Variants in FANCM observed in about 807,000 individuals in gnomAD.
The protein encoded by FANCM is FA complementation group M, also known as Fanconi anemia group M protein.
Under a neutral mutation model 199.5 loss-of-function variants are expected in FANCM, and 140 were observed. The ratio of observed to expected loss-of-function variants is 0.70; its 90% CI spans 0.61 to 0.81. FANCM has a LOEUF of 0.81. Among genes scored for constraint, FANCM ranks in the 30% least tolerant of loss-of-function variants. The probability of loss-of-function intolerance (pLI) is 0.00; values close to 1 mark genes in which losing one functional copy is unlikely to be tolerated. For missense variants in FANCM, 2,410 were observed against 2,421.4 expected, an observed-to-expected ratio of 1.00 and a Z score of 0.10; for synonymous variants, 840 against 836.8, an observed-to-expected ratio of 1.00 and a Z score of -0.07.
intron 10 of FANCM, 140 bp downstream of exon 10, chr14:45,164,705 T>A: frequency 1.5e-6 from 1 of 687,682 alleles, no homozygotes; most frequent in Non-Finnish European, 2.5e-6. Flanking sequence ...TTGTATTGGA[T>A]TCTCTCTTGT....
Position 45,183,792 on chromosome 14 carries a change from G to C in FANCM, c.4405G>C (p.Asp1469His). The change falls in exon 17 of 23, where the codon GAT becomes CAT. Residue 1469 changes from aspartate to histidine, a missense_variant. Physicochemically the swap from Asp to His is moderately conservative, Grantham distance 81 (BLOSUM62 -1). Coordinates refer to ENST00000267430, the MANE Select transcript of FANCM (RefSeq NM_020937.4). The part of the protein sequence containing the change: ...PINRSELSSS[D>H]ESENFPKPCS... ...ATTATAGTCAGAATTATCATCTAGT[G>C]ATGAGAGTGAGAATTTTCCCAAACC... is the stretch of plus-strand genomic sequence containing the variant. 1 of 1,607,922 alleles carries C rather than the reference G, an allele frequency of 6.2e-7. No homozygotes were observed. Among genetic ancestry groups the C allele is most frequent in the South Asian group, 1.1e-5 (1 of 90,908 alleles).
At chr14:45,197,127 G>A (rs1425691174) in intron 21 of FANCM, among the ~76,000 whole-genome samples, 1 of 152,132 alleles carries the variant, frequency 6.6e-6, no homozygotes, top group Admixed American at 6.5e-5. Context: ...TTATTTAATT[G>A]TATGGCGAGC....
At chr14:45,180,609 T>G (rs1403083924) in intron 14 of FANCM, among the ~76,000 whole-genome samples, 3 of 151,982 alleles carry the variant, frequency 2.0e-5, no homozygotes, top group Non-Finnish European at 4.4e-5. Flanking sequence ...AGCTAATTAT[T>G]GTATTTTTTG....
At chr14:45,189,478 A>G in intron 20 of FANCM, 116 bp downstream of exon 20, 4 of 812,340 alleles carry the variant, frequency 4.9e-6, no homozygotes, top group African/African-American at 1.7e-5. Flanking sequence ...TAACAAAAAA[A>G]TTTTGCAGAA....
intron 12 of FANCM, among the ~76,000 whole-genome samples, chr14:45,171,172 C>G (rs375163370): frequency 6.7e-6 from 1 of 149,016 alleles, no homozygotes; most frequent in African/African-American, 2.5e-5. Flanking sequence ...AGGTCTCGCT[C>G]TGTTGTCCAG....
rs762570903 is a variant in FANCM at position 45,173,084 on chromosome 14, A to ACT, written c.2201_2202dup (p.Glu735LeufsTer26). The ACT allele has an allele frequency of 6.8e-6, 11 of 1,608,024 alleles. No individual in the cohort carries two copies. Among genetic ancestry groups the ACT allele is most frequent in the East Asian group, 2.2e-5 (1 of 44,798 alleles). ...AAGAATCAACCACTGGAATTCATCAACTCTCTCTCTCTGAATGGAGACTGT... is the reference window on the plus strand; with the variant it reads ...AAGAATCAACCACTGGAATTCATCAACTCTCTCTCTCTCTGAATGGAGACTGT... On this transcript the variant is annotated frameshift_variant, in exon 13 of 23. Transcript: ENST00000267430. LOFTEE classifies it high-confidence loss of function.
intron 9 of FANCM, among the ~76,000 whole-genome samples, chr14:45,159,911 G>C (rs961775697): frequency 1.3e-5 from 2 of 151,582 alleles, no homozygotes; most frequent in African/African-American, 2.4e-5. Flanking sequence ...CTTGAGTAGT[G>C]ACTGACAATT....
At chr14:45,143,233 A>G (rs1418648658) in intron 3 of FANCM, among the ~76,000 whole-genome samples, 4 of 151,294 alleles carry the variant, frequency 2.6e-5, no homozygotes, top group Non-Finnish European at 5.9e-5. Context: ...GCAGTGCACA[A>G]TAATACTCAC....
In FANCM at chr14:45,164,432, T is replaced by C. The variant is rs200240871; in HGVS notation, c.1655T>C (p.Ile552Thr). Reference sequence around the variant, plus strand: ...TGTGTGGGTGAAGAAGGTTTGGATATAGGAGAAGTTGATCTTATAATATGT... The same window carrying C: ...TGTGTGGGTGAAGAAGGTTTGGATACAGGAGAAGTTGATCTTATAATATGT... ...STCVGEEGLDIGEVDLIICFD... is the reference protein window; with the variant it reads ...STCVGEEGLDTGEVDLIICFD... The change falls in exon 10 of 23, where the codon ATA becomes ACA. Residue 552 changes from isoleucine to threonine, a missense_variant. Ile to Thr is a moderately conservative substitution (Grantham distance 89, BLOSUM62 -1). Coordinates refer to ENST00000267430, the MANE Select transcript of FANCM (RefSeq NM_020937.4). The C allele has an allele frequency of 1.2e-6, 2 of 1,613,590 alleles. No individual in the cohort carries two copies. The highest frequency in any genetic ancestry group is 4.5e-5 in the East Asian group (2 of 44,886).
At chr14:45,194,074 G>A (rs1229630933) in intron 20 of FANCM, among the ~76,000 whole-genome samples, 5 of 151,926 alleles carry the variant, frequency 3.3e-5, no homozygotes. Flanking sequence ...GGCCGAGGTG[G>A]GTGGATCACC....
chr14:45,138,968 C>A (rs1429377502), intron 2 of FANCM, among the ~76,000 whole-genome samples: 4 of 152,342 alleles, frequency 2.6e-5, no homozygotes, highest in South Asian at 4.1e-4. Context: ...CATATTGATA[C>A]ATGTGCCATA....
chr14:45,179,781 C>T (rs1462741537), intron 14 of FANCM, among the ~76,000 whole-genome samples: 3 of 151,950 alleles, frequency 2.0e-5, no homozygotes, highest in Non-Finnish European at 2.9e-5. Flanking sequence ...AGGCTGGTCT[C>T]GGACTCCTGA....
chr14:45,188,205 G>A (rs1318456513), intron 19 of FANCM, among the ~76,000 whole-genome samples: 2 of 152,148 alleles, frequency 1.3e-5, no homozygotes, highest in African/African-American at 4.8e-5. Flanking sequence ...CAGGCATGGT[G>A]GCACATGCCT....
rs1355680104 is a variant in FANCM, at chr14:45,136,646, A to T, written c.508+107A>T. On this transcript the variant is annotated intron_variant, in intron 1 of 22. Coordinates refer to ENST00000267430, the MANE Select transcript of FANCM (RefSeq NM_020937.4). Reference sequence around the variant, plus strand: ...CATCTTACGCCCTCCCTCTTAAAACATTCTCTACTTGCAGCAAGCCCAAAA... The same window carrying T: ...CATCTTACGCCCTCCCTCTTAAAACTTTCTCTACTTGCAGCAAGCCCAAAA... The T allele has an allele frequency of 2.7e-5, 30 of 1,105,972 alleles. No individual in the cohort carries two copies. In the East Asian group the frequency reaches 6.3e-4, roughly 23 times the overall value. The allele number at this position is 1,105,972 out of a possible 1,614,324, so 68.5% of individuals were successfully genotyped here.
At chr14:45,162,878 T>C (rs149637647) in intron 9 of FANCM, among the ~76,000 whole-genome samples, 1 of 152,230 alleles carries the variant, frequency 6.6e-6, no homozygotes, top group East Asian at 1.9e-4. Flanking sequence ...TTTTTTTCTT[T>C]ATCTGGGCAA....
chr14:45,183,994 C>A, intron 17 of FANCM, 92 bp downstream of exon 17: 1 of 899,960 alleles, frequency 1.1e-6, no homozygotes, highest in Admixed American at 3.1e-5. Flanking sequence ...TATACATTCT[C>A]TTTATAGAAA....
rs542062296 is a variant in FANCM at position 45,182,634 on chromosome 14, G to A, written c.4386+929G>A. Among the ~76,000 whole-genome samples, 6 of 152,302 alleles carry A rather than the reference G, an allele frequency of 3.9e-5. No homozygotes were observed. The South Asian group carries it at 1.2e-3, about 32-fold the overall frequency. On this transcript the variant is annotated intron_variant, in intron 16 of 22. Transcript: ENST00000267430. ...GTCTTAAGGTTAATGATACTCACCAGTTTATAGCTGATAGCTAAATTTTGA... is the reference window on the plus strand; with the variant it reads ...GTCTTAAGGTTAATGATACTCACCAATTTATAGCTGATAGCTAAATTTTGA...
At chr14:45,172,865 A>G (rs1888428208) in intron 12 of FANCM, among the ~76,000 whole-genome samples, 190 bp from the exon 13 acceptor site, 1 of 152,186 alleles carries the variant, frequency 6.6e-6, no homozygotes, top group African/African-American at 2.4e-5. Flanking sequence ...TACTTAACAA[A>G]TATATTTTAA....
Position 45,175,365 on chromosome 14 carries a change from A to G in FANCM, c.2611A>G (p.Asn871Asp). The G allele has an allele frequency of 6.4e-7, 1 of 1,560,256 alleles. No individual in the cohort carries two copies. Among genetic ancestry groups the G allele is most frequent in the Non-Finnish European group, 8.7e-7 (1 of 1,151,778 alleles). ...AAAAGATCAGCTTAAAAAAGAAAATAATCACGGTATTATAGATTCTGTAGA... is the reference window on the plus strand; with the variant it reads ...AAAAGATCAGCTTAAAAAAGAAAATGATCACGGTATTATAGATTCTGTAGA... ...IKKDQLKKEN[N>D]HGIIDSVDND... is the part of the protein sequence containing the mutation. Residue 871 changes from asparagine (N) to aspartate (D), a missense_variant, in exon 14 of 23, where the codon AAT becomes GAT. Transcript: ENST00000267430.
Sources: gnomAD v4.1 joint callset for allele counts (sites outside exome capture counted in the v4.1 genomes callset) on GRCh38, gnomAD v4.1.1 for gene constraint, MANE v1.5 for transcripts, NCBI Gene and HGNC (gene_info 2026-07-23, HGNC 2026-07-21) for gene names.